Variants in ATRNL1 observed in about 807,000 individuals in gnomAD.
The protein encoded by ATRNL1 is attractin like 1.
A neutral mutation model predicts 182.7 loss-of-function variants in ATRNL1; 95 were observed. The observed-to-expected ratio is 0.52, with a 90% CI of 0.44 to 0.62. ATRNL1 has a LOEUF of 0.62. ATRNL1 is among the 20% of genes least tolerant of loss of function. The probability of loss-of-function intolerance (pLI) is 0.00; values close to 1 mark genes in which losing one functional copy is unlikely to be tolerated. For synonymous variants in ATRNL1, 576 were observed against 568.3 expected, an observed-to-expected ratio of 1.01 and a Z score of -0.19; for missense variants, 1,471 against 1,679.5, an observed-to-expected ratio of 0.88 and a Z score of 2.17.
chr10:115,655,195 C>A (rs1860255921), intron 26 of ATRNL1, among the ~76,000 whole-genome samples: 1 of 152,142 alleles, frequency 6.6e-6, no homozygotes, highest in South Asian at 2.1e-4. Flanking sequence ...TTCCAAGATT[C>A]CTGACTCACA....
At chr10:115,464,501 A>G (rs1330261320) in intron 22 of ATRNL1, among the ~76,000 whole-genome samples, 1 of 151,952 alleles carries the variant, frequency 6.6e-6, no homozygotes, top group African/African-American at 2.4e-5. Context: ...GAATAACTAC[A>G]GTGTCACTTT....
At chr10:115,284,042 A>C (rs529063792) in intron 14 of ATRNL1, among the ~76,000 whole-genome samples, 6 of 152,348 alleles carry the variant, frequency 3.9e-5, no homozygotes, top group African/African-American at 1.4e-4. Flanking sequence ...TCTGTAGAGC[A>C]GTTGTACAAT....
intron 1 of ATRNL1, among the ~76,000 whole-genome samples, chr10:115,109,523 A>G (rs1844170118): frequency 6.6e-6 from 1 of 152,130 alleles, no homozygotes; most frequent in African/African-American, 2.4e-5. Context: ...GCATTAATCC[A>G]TTCATGAGGG....
At chr10:115,451,360 T>C (rs1186388889) in intron 21 of ATRNL1, among the ~76,000 whole-genome samples, 1 of 152,166 alleles carries the variant, frequency 6.6e-6, no homozygotes, top group Non-Finnish European at 1.5e-5. Context: ...ATTTGCAAAC[T>C]ATGCGTCTAT....
At chr10:115,369,312 AGGGGGTTCCATGAGGGGAT>A (rs1402508887) in intron 19 of ATRNL1, among the ~76,000 whole-genome samples, 1 of 38,656 alleles carries the variant, frequency 2.6e-5, no homozygotes, top group Non-Finnish European at 5.0e-5. Flanking sequence ...GTGAGGGGGA[AGGGGGTTCCATGAGGGGAT>A]GGGGGTTCTG....
chr10:115,811,939 C>A (rs1488084549), intron 27 of ATRNL1, among the ~76,000 whole-genome samples: 1 of 151,836 alleles, frequency 6.6e-6, no homozygotes, highest in Non-Finnish European at 1.5e-5. Flanking sequence ...AGCTCACTAC[C>A]CAAAAGTAAT....
intron 28 of ATRNL1, among the ~76,000 whole-genome samples, chr10:115,911,875 G>GTT (rs1555115989): frequency 6.6e-6 from 1 of 152,110 alleles, no homozygotes. Flanking sequence ...ACCATCCCGT[G>GTT]TTTCTCCCCG....
chr10:115,901,500 C>A (rs1952349788), intron 28 of ATRNL1, among the ~76,000 whole-genome samples: 1 of 152,048 alleles, frequency 6.6e-6, no homozygotes, highest in Non-Finnish European at 1.5e-5. Context: ...TAATTGATGG[C>A]AGGTTTTTAG....
intron 17 of ATRNL1, among the ~76,000 whole-genome samples, chr10:115,308,162 A>G (rs1853829672): frequency 6.6e-6 from 1 of 152,124 alleles, no homozygotes; most frequent in African/African-American, 2.4e-5. Context: ...TAATATTGTG[A>G]TATCATTGTT....
chr10:115,802,182 A>C (rs1264690975), intron 27 of ATRNL1, among the ~76,000 whole-genome samples: 1 of 152,052 alleles, frequency 6.6e-6, no homozygotes, highest in Non-Finnish European at 1.5e-5. Context: ...TGTCTCCCCT[A>C]TGGTGGTAAA....
At chr10:115,387,422 G>A (rs1454963268) in intron 19 of ATRNL1, among the ~76,000 whole-genome samples, 3 of 152,094 alleles carry the variant, frequency 2.0e-5, no homozygotes, top group African/African-American at 7.2e-5. Context: ...ATTTCTAGTT[G>A]CATGTTATTA....
rs529218983 is a variant in ATRNL1, at chr10:115,103,286, G to A, written c.293+9243G>A. Among the ~76,000 whole-genome samples, 3 of 152,152 alleles carry A rather than the reference G, an allele frequency of 2.0e-5. No homozygotes were observed. In the East Asian group the frequency reaches 5.8e-4, roughly 29 times the overall value. Reference sequence around the variant, plus strand: ...ACTTCTGACCTCAGGCAATCCGCCTGCCTCAGCCTCCCAAAGTGCTGGGAT... The same window carrying A: ...ACTTCTGACCTCAGGCAATCCGCCTACCTCAGCCTCCCAAAGTGCTGGGAT... On this transcript the variant is annotated intron_variant, in intron 1 of 28. Transcript: ENST00000355044.
At chr10:115,835,999 C>A (rs918113632) in intron 27 of ATRNL1, among the ~76,000 whole-genome samples, 2 of 152,228 alleles carry the variant, frequency 1.3e-5, no homozygotes, top group Non-Finnish European at 2.9e-5. Flanking sequence ...TCCCAATGAA[C>A]CTCCTGCACA....
At chr10:115,941,056 A>G (rs1446708499) in intron 28 of ATRNL1, among the ~76,000 whole-genome samples, 1 of 152,220 alleles carries the variant, frequency 6.6e-6, no homozygotes, top group Non-Finnish European at 1.5e-5. Context: ...AAATGGGCAG[A>G]TAAGACTTTG....
chr10:115,541,527 C>G (rs532095099), intron 25 of ATRNL1, among the ~76,000 whole-genome samples: 5 of 152,020 alleles, frequency 3.3e-5, no homozygotes, highest in Non-Finnish European at 7.4e-5. Context: ...CTCTGTGGCC[C>G]AACAATTCCA....
chr10:115,517,083 G>C (rs1442129499), intron 24 of ATRNL1, among the ~76,000 whole-genome samples: 2 of 151,838 alleles, frequency 1.3e-5, no homozygotes, highest in Admixed American at 1.3e-4. Flanking sequence ...ATTTTTACAT[G>C]ATTTAAATGA....
At chr10:115,287,226 CTA>C (rs1165676140) in intron 15 of ATRNL1, among the ~76,000 whole-genome samples, 9 of 151,964 alleles carry the variant, frequency 5.9e-5, no homozygotes, top group Non-Finnish European at 1.0e-4. Flanking sequence ...ATCCCTAGCT[CTA>C]TGTTTCTCAT....
Position 115,402,117 on chromosome 10 carries a change from A to G in ATRNL1, c.3269+7365A>G, listed in dbSNP as rs552775811. 1.6e-3 allele frequency among the ~76,000 whole-genome samples: 243 copies of G among 152,264 alleles called. 3 individuals carry two copies. Among genetic ancestry groups the G allele is most frequent in the African/African-American group, 1.9e-3 (81 of 41,566 alleles). Reference sequence around the variant, plus strand: ...TTGGTCAAATTCTGAATAATATTATAAAAGGTATATTTTCAATTTACATGA... The same window carrying G: ...TTGGTCAAATTCTGAATAATATTATGAAAGGTATATTTTCAATTTACATGA... On this transcript the variant is annotated intron_variant, in intron 20 of 28. Coordinates refer to ENST00000355044, the MANE Select transcript of ATRNL1 (RefSeq NM_207303.4).
At chr10:115,320,556 C>T (rs1287427847) in intron 18 of ATRNL1, among the ~76,000 whole-genome samples, 2 of 152,104 alleles carry the variant, frequency 1.3e-5, no homozygotes, top group African/African-American at 2.4e-5. Context: ...GGTTTCTTTA[C>T]GAGGTCCCAT....
Sources: allele counts gnomAD v4.1 joint callset (sites outside exome capture counted in the v4.1 genomes callset), GRCh38; gene constraint gnomAD v4.1.1; transcripts MANE v1.5; gene names NCBI Gene and HGNC (gene_info 2026-07-23, HGNC 2026-07-21).